ZKSCAN7: variants seen among roughly 807,000 people sequenced by gnomAD.
ZKSCAN7 encodes the protein zinc finger with KRAB and SCAN domains 7, also known as zinc finger protein with KRAB and SCAN domains 7.
ZKSCAN7 carries 38 observed loss-of-function variants against 65.3 expected under a neutral mutation model. That is an observed-to-expected ratio of 0.58 (90% CI 0.45 to 0.76). ZKSCAN7 has a LOEUF of 0.76. Ranked by LOEUF, ZKSCAN7 falls within the 30% of genes least tolerant of loss-of-function variation. The pLI, the probability that ZKSCAN7 is intolerant of heterozygous loss-of-function variation, is 0.00. For synonymous variants in ZKSCAN7, 321 were observed against 321.0 expected (o/e 1.00, Z 0.00); for missense variants, 815 against 913.3 (o/e 0.89, Z 1.39).
intron 2 of ZKSCAN7, among the ~76,000 whole-genome samples, chr3:44,560,285 T>C (rs1453953751): frequency 1.3e-5 from 2 of 152,110 alleles, no homozygotes; most frequent in African/African-American, 2.4e-5. Flanking sequence ...GTTTACAGAA[T>C]GGCTAAATGA....
chr3:44,570,814 A>G lies in ZKSCAN7; in HGVS notation c.1704A>G (p.Arg568=). 2 of 1,614,174 alleles carry G rather than the reference A, an allele frequency of 1.2e-6. No individual in the cohort carries two copies. The highest frequency in any genetic ancestry group is 4.5e-5 in the East Asian group (2 of 44,872). ...KAFSRSKCLI[R]HQSLHTGEKP... ...TCAGTCGGAGTAAATGTCTTATTCGACATCAGAGCCTCCATACTGGGGAAA... is the reference window on the plus strand; with the variant it reads ...TCAGTCGGAGTAAATGTCTTATTCGGCATCAGAGCCTCCATACTGGGGAAA... The change falls in exon 6 of 6, where the codon CGA becomes CGG. Residue 568 remains arginine (R), a synonymous_variant. Transcript: ENST00000426540.
intron 5 of ZKSCAN7, among the ~76,000 whole-genome samples, chr3:44,579,353 C>G (rs575120232): frequency 6.6e-6 from 1 of 152,224 alleles, no homozygotes; most frequent in Non-Finnish European, 1.5e-5. Context: ...CCCCACACCG[C>G]CCACCCGCTC....
rs1376625586 is a variant in ZKSCAN7, at chr3:44,578,082, C to G, written c.812-4890C>G. The G allele has an allele frequency of 1.9e-6, 3 of 1,585,492 alleles. No individual in the cohort carries two copies. The African/African-American group carries it at 4.0e-5, about 21-fold the overall frequency. ...GCTTTTAGATTTCATTATATCATATCCGGACACCATGGCACTGTCAGGGGA... is the reference window on the plus strand; with the variant it reads ...GCTTTTAGATTTCATTATATCATATGCGGACACCATGGCACTGTCAGGGGA... On this transcript the variant is annotated intron_variant, in intron 5 of 5. Transcript: ENST00000341840.
At chr3:44,562,847 G>A (rs1158732951) in intron 2 of ZKSCAN7, among the ~76,000 whole-genome samples, 1 of 152,114 alleles carries the variant, frequency 6.6e-6, no homozygotes, top group Non-Finnish European at 1.5e-5. Context: ...GCGGGTGCCT[G>A]TAGTCCCAGC....
rs1700045522 is a variant in ZKSCAN7 at position 44,580,458 on chromosome 3, G to C, written c.812-2514G>C. On this transcript the variant is annotated intron_variant, in intron 5 of 5. Transcript: ENST00000341840. ...GGACTTGGTGGTGGGGACTTTCTCA[G>C]CACTGGGGATGCTGCTGCTGCTGCT... The C allele has an allele frequency of 5.6e-6, 9 of 1,603,672 alleles. No homozygotes were observed. The South Asian group carries it at 8.9e-5, about 16-fold the overall frequency.
intron 2 of ZKSCAN7, among the ~76,000 whole-genome samples, chr3:44,560,966 G>T (rs9853203): frequency 0.33 from 49,482 of 152,046 alleles, 8,779 homozygotes; most frequent in African/African-American, 0.41. Context: ...CCATCAAGTG[G>T]GAGGACCAGG....
Position 44,570,589 on chromosome 3 carries a change from A to G in ZKSCAN7, c.1479A>G (p.Lys493=). ...TDHQRTHTGE[K]PYECNECGEA... Reference sequence around the variant, plus strand: ...ACCAGAGAACCCATACTGGGGAGAAACCTTATGAATGCAATGAGTGTGGAG... The same window carrying G: ...ACCAGAGAACCCATACTGGGGAGAAGCCTTATGAATGCAATGAGTGTGGAG... The change falls in exon 6 of 6, where the codon AAA becomes AAG. Residue 493 remains lysine (K), a synonymous_variant. Coordinates refer to ENST00000426540, the MANE Select transcript of ZKSCAN7 (RefSeq NM_001288590.2). The G allele has an allele frequency of 1.9e-6, 3 of 1,614,096 alleles. No individual in the cohort carries two copies. The highest frequency in any genetic ancestry group is 2.5e-6 in the Non-Finnish European group (3 of 1,180,008).
chr3:44,575,923 G>T (rs1003775972), downstream of ZKSCAN7, among the ~76,000 whole-genome samples: 2 of 152,040 alleles, frequency 1.3e-5, no homozygotes, highest in African/African-American at 4.8e-5. Flanking sequence ...GATTCAATTT[G>T]CCAATATTTT....
chr3:44,562,222 G>T (rs1440263209), intron 2 of ZKSCAN7, among the ~76,000 whole-genome samples: 1 of 152,246 alleles, frequency 6.6e-6, no homozygotes, highest in Non-Finnish European at 1.5e-5. Flanking sequence ...CTTGGGGCTT[G>T]CACCCTCTGA....
chr3:44,582,611 G>C (rs1326048975), intron 5 of ZKSCAN7, among the ~76,000 whole-genome samples: 2 of 152,198 alleles, frequency 1.3e-5, no homozygotes, highest in Non-Finnish European at 2.9e-5. Context: ...CATTATACTT[G>C]ACTGAATGAA....
chr3:44,580,160 G>T, intron 5 of ZKSCAN7: 1 of 1,610,904 alleles, frequency 6.2e-7, no homozygotes, highest in South Asian at 1.1e-5. Context: ...GGGTGCTGGG[G>T]CTGGGAGGGG....
intron 3 of ZKSCAN7, among the ~76,000 whole-genome samples, chr3:44,567,103 T>A (rs1699654108): frequency 6.9e-6 from 1 of 144,396 alleles, no homozygotes; most frequent in Non-Finnish European, 1.5e-5. Flanking sequence ...TGAGACTCTG[T>A]CTCAAAACAA....
downstream of ZKSCAN7, among the ~76,000 whole-genome samples, chr3:44,575,505 G>C (rs2125730837): frequency 6.6e-6 from 1 of 152,342 alleles, no homozygotes; most frequent in Admixed American, 6.5e-5. Context: ...TAGTTGCTAA[G>C]TTTTATCAAG....
At chr3:44,574,760 T>C (rs745869213), downstream of ZKSCAN7, among the ~76,000 whole-genome samples, 10 of 151,722 alleles carry the variant, frequency 6.6e-5, no homozygotes, top group Non-Finnish European at 1.3e-4. Flanking sequence ...CAAAACCCCA[T>C]CTCTATTAAA....
At chr3:44,572,710 C>T (rs185459735), downstream of ZKSCAN7, among the ~76,000 whole-genome samples, 82 of 151,542 alleles carry the variant, frequency 5.4e-4, no homozygotes, top group African/African-American at 1.8e-3. Flanking sequence ...ATTAGCCAGG[C>T]GTGGTGGGGG....
intron 5 of ZKSCAN7, chr3:44,581,161 G>A (rs1472965935): frequency 4.4e-5 from 39 of 887,468 alleles, no homozygotes; most frequent in Non-Finnish European, 5.1e-5. Context: ...CCCTGCGGGC[G>A]GCTCGCTGCA....
intron 5 of ZKSCAN7, chr3:44,580,066 C>G: frequency 6.3e-7 from 1 of 1,595,514 alleles, no homozygotes; most frequent in Non-Finnish European, 8.6e-7. Flanking sequence ...GGCGAGGGCC[C>G]CACTGCATTG....
intron 2 of ZKSCAN7, among the ~76,000 whole-genome samples, chr3:44,561,069 G>A (rs921954781): frequency 6.6e-6 from 1 of 152,158 alleles, no homozygotes; most frequent in Non-Finnish European, 1.5e-5. Context: ...TGTCTTCAAG[G>A]AAGGGAAACC....
chr3:44,572,470 A>G (rs1488298731), downstream of ZKSCAN7, among the ~76,000 whole-genome samples: 1 of 151,692 alleles, frequency 6.6e-6, no homozygotes, highest in Non-Finnish European at 1.5e-5. Context: ...TTGGGCAGTC[A>G]TATCCCACTG....
Sources: gnomAD v4.1 joint callset for allele counts (sites outside exome capture counted in the v4.1 genomes callset) on GRCh38, gnomAD v4.1.1 for gene constraint, MANE v1.5 for transcripts, NCBI Gene and HGNC (gene_info 2026-07-23, HGNC 2026-07-21) for gene names.